EML1: variants seen among roughly 807,000 people sequenced by gnomAD.
The protein encoded by EML1 is echinoderm microtubule-associated protein-like 1.
EML1 carries 27 observed loss-of-function variants against 110.4 expected under a neutral mutation model. That is an observed-to-expected ratio of 0.24 (90% CI 0.18 to 0.34). The LOEUF is 0.34. EML1 is among the 10% of genes least tolerant of loss of function. EML1 has a pLI of 1.00. For missense variants in EML1, 741 were observed against 1,030.9 expected (o/e 0.72, Z 3.85); for synonymous variants, 344 against 385.8 (o/e 0.89, Z 1.27).
At chr14:99,791,856 G>A (rs573608868), upstream of EML1, among the ~76,000 whole-genome samples, 1 of 152,148 alleles carries the variant, frequency 6.6e-6, no homozygotes, top group Admixed American at 6.5e-5. Flanking sequence ...CTGGCCCCTT[G>A]CCCTCAGTCC....
At position 99,891,178 on chromosome 14, in the gene EML1, GT is replaced by G; in HGVS notation, c.519-16del. The G allele has an allele frequency of 6.2e-7, 1 of 1,614,102 alleles. No individual in the cohort carries two copies. Among genetic ancestry groups the G allele is most frequent in the Non-Finnish European group, 8.5e-7 (1 of 1,179,996 alleles). ...ACACCCACAGCACCCTTTAAAAACT[GT>G]TTTTCGTTTATTTTCACAGCAAACC... On this transcript the variant is annotated intron_variant, in intron 4 of 21. Transcript: ENST00000262233.
intron 13 of EML1, among the ~76,000 whole-genome samples, chr14:99,913,417 T>C (rs2059979049): frequency 6.6e-6 from 1 of 152,006 alleles, no homozygotes; most frequent in South Asian, 2.1e-4. Flanking sequence ...GCTCAAGCAA[T>C]CCACCTACCT....
At chr14:99,824,753 G>A (rs567225181) in intron 1 of EML1, among the ~76,000 whole-genome samples, 7 of 151,656 alleles carry the variant, frequency 4.6e-5, no homozygotes, top group African/African-American at 1.2e-4. Flanking sequence ...CACAATAGGC[G>A]ATTTTCAATC....
At chr14:99,832,709 G>A (rs1191644344) in intron 1 of EML1, among the ~76,000 whole-genome samples, 2 of 152,078 alleles carry the variant, frequency 1.3e-5, no homozygotes, top group Admixed American at 6.5e-5. Context: ...TTTTAAAATT[G>A]GGTTATTCAC....
At chr14:99,750,862 T>C (rs1595235725) in intron 1 of EML1, among the ~76,000 whole-genome samples, 1 of 152,004 alleles carries the variant, frequency 6.6e-6, no homozygotes, top group Non-Finnish European at 1.5e-5. Context: ...GAAGCATCCA[T>C]GGAAGGCTGG....
intron 9 of EML1, chr14:99,907,417 A>G: frequency 3.7e-6 from 2 of 542,672 alleles, no homozygotes; most frequent in East Asian, 3.2e-5. Flanking sequence ...GCAGAGAGCA[A>G]TGATTGCACC....
In EML1 at chr14:99,941,952, C is replaced by T. The variant is rs1343565782; in HGVS notation, c.*1840C>T. 6.6e-6 allele frequency: 1 copy of T among 152,178 alleles called. No individual in the cohort carries two copies. Among genetic ancestry groups the T allele is most frequent in the Non-Finnish European group, 1.5e-5 (1 of 68,030 alleles). The allele number at this position is 152,178 out of a possible 1,614,324, so 9.4% of individuals were successfully genotyped here. ...AAGGATACAAACACACACACATCTACTATTTTAGATAAATGTACTGTTATA... is the reference window on the plus strand; with the variant it reads ...AAGGATACAAACACACACACATCTATTATTTTAGATAAATGTACTGTTATA... On this transcript the variant is annotated 3_prime_UTR_variant, in exon 22 of 22. Coordinates refer to ENST00000262233, the MANE Select transcript of EML1 (RefSeq NM_004434.3).
intron 2 of EML1, among the ~76,000 whole-genome samples, chr14:99,863,145 G>A (rs1157270664): frequency 6.6e-6 from 1 of 152,172 alleles, no homozygotes; most frequent in Non-Finnish European, 1.5e-5. Flanking sequence ...ATGTTCCTGT[G>A]TAGTGGTTTC....
upstream of EML1, among the ~76,000 whole-genome samples, chr14:99,788,424 C>A (rs2057623660): frequency 6.6e-6 from 1 of 152,110 alleles, no homozygotes; most frequent in South Asian, 2.1e-4. Context: ...ATTGTCTATT[C>A]CATTTCATGT....
intron 4 of EML1, among the ~76,000 whole-genome samples, chr14:99,890,338 C>A (rs2059565031): frequency 6.6e-6 from 1 of 152,198 alleles, no homozygotes; most frequent in Non-Finnish European, 1.5e-5. Context: ...GTCAAGGGGT[C>A]ACCCCCCTCC....
chr14:99,894,536 C>G (rs774013495), intron 5 of EML1, 93 bp from the exon 6 acceptor site: 32 of 1,388,240 alleles, frequency 2.3e-5, no homozygotes, highest in Admixed American at 9.1e-5. Flanking sequence ...AAAAGTTTCT[C>G]TTTTATACTG....
At chr14:99,930,808 C>T (rs900477584) in intron 17 of EML1, among the ~76,000 whole-genome samples, 1 of 152,116 alleles carries the variant, frequency 6.6e-6, no homozygotes, top group African/African-American at 2.4e-5. Flanking sequence ...ACTGCAGATC[C>T]TTAGCCTGCC....
chr14:99,763,152 C>CT (rs1477263804), intron 1 of EML1, among the ~76,000 whole-genome samples: 2 of 152,316 alleles, frequency 1.3e-5, no homozygotes, highest in African/African-American at 4.8e-5. Context: ...TAAGATGTGA[C>CT]TTGCTCCTCC....
chr14:99,883,392 G>A (rs4243727), intron 4 of EML1: 40,934 of 152,032 alleles, frequency 0.27, 6,019 homozygotes, highest in Non-Finnish European at 0.33. Flanking sequence ...TTAGCTGAGC[G>A]TGTTGGCACA....
rs997863596 is a variant in EML1, at chr14:99,781,511, T to A, written c.-27+7498T>A. 6.7e-6 allele frequency among the ~76,000 whole-genome samples: 1 copy of A among 148,970 alleles called. No homozygotes were observed. Among genetic ancestry groups the A allele is most frequent in the Non-Finnish European group, 1.5e-5 (1 of 68,002 alleles). ...GTTCCCCACCCCACAGCTGGGAGGA[T>A]GGCTGCCAGCCCAACCCAGGCTCAC... is the stretch of plus-strand genomic sequence containing the variant. On this transcript the variant is annotated intron_variant, in intron 1 of 22. Coordinates refer to the EML1 transcript ENST00000327921. The surrounding 1 kb of genome is among the most constrained non-coding windows in gnomAD (Gnocchi z 4.2).
intron 1 of EML1, among the ~76,000 whole-genome samples, chr14:99,843,558 G>C (rs886603206): frequency 6.6e-6 from 1 of 152,114 alleles, no homozygotes; most frequent in Non-Finnish European, 1.5e-5. Flanking sequence ...TACTCTTGTT[G>C]CACCTGTTTT....
chr14:99,917,869 G>A lies in EML1; in HGVS notation c.1820+20G>A, dbSNP rs766666706. 9.9e-6 allele frequency: 16 copies of A among 1,613,212 alleles called. No homozygotes were observed. Among genetic ancestry groups the A allele is most frequent in the Middle Eastern group, 1.6e-4 (1 of 6,084 alleles). On this transcript the variant is annotated intron_variant, in intron 16 of 21. Coordinates refer to ENST00000262233, the MANE Select transcript of EML1 (RefSeq NM_004434.3). The stretch of plus-strand genomic sequence containing the variant: ...TGGGAGGTAAGTCCATGCCAACAGC[G>A]CTTGTGCTTGCAAAGCTTATGGAAA...
At chr14:99,782,749 T>G (rs1320147648) in intron 1 of EML1, among the ~76,000 whole-genome samples, 1 of 151,960 alleles carries the variant, frequency 6.6e-6, no homozygotes, top group African/African-American at 2.4e-5. Context: ...AAGTACAGCA[T>G]CTCTAGAACA....
rs551360130 is a variant in EML1 at position 99,740,592 on chromosome 14, G to A, written c.28+2732G>A. 1.3e-4 allele frequency among the ~76,000 whole-genome samples: 20 copies of A among 152,300 alleles called. 1 individual carries two copies. The South Asian group carries it at 1.7e-3, about 13-fold the overall frequency. The stretch of plus-strand genomic sequence containing the variant: ...GGGTGAGCCGGAGCTAAGGTTACCC[G>A]GGAGTCAGCACCGTATTTATAGCAG... On this transcript the variant is annotated intron_variant, in intron 1 of 10. Transcript: ENST00000554479.
Sources: allele counts gnomAD v4.1 joint callset (sites outside exome capture counted in the v4.1 genomes callset), GRCh38; gene constraint gnomAD v4.1.1; non-coding constraint Gnocchi (gnomAD v3.1); transcripts MANE v1.5; gene names NCBI Gene and HGNC (gene_info 2026-07-23, HGNC 2026-07-21).